Variants in TMEM132B observed in about 807,000 individuals in gnomAD.
The protein encoded by TMEM132B is transmembrane protein 132B.
TMEM132B carries 18 observed loss-of-function variants against 90.8 expected under a neutral mutation model. The observed-to-expected ratio is 0.20, with a 90% CI of 0.14 to 0.29. The LOEUF (loss-of-function observed/expected upper bound fraction) is 0.29. TMEM132B is among the 10% of genes least tolerant of loss of function. The pLI is 1.00. For missense variants in TMEM132B, 1,096 were observed against 1,326.8 expected (o/e 0.83, Z 2.70); for synonymous variants, 504 against 523.3 (o/e 0.96, Z 0.50).
In TMEM132B at chr12:125,366,336, C is replaced by T. The variant is rs184569991; in HGVS notation, c.959+15993C>T. ...CTACTGTGAATAGTGCTGCAGTAAA[C>T]GCAGGAGTGCAGATATCTCTTTGAT... On this transcript the variant is annotated intron_variant, in intron 2 of 8. Transcript: ENST00000682704. Among the ~76,000 whole-genome samples, 22 of 152,204 alleles carry T rather than the reference C, an allele frequency of 1.4e-4. No homozygotes were observed. In the East Asian group the frequency reaches 1.7e-3, roughly 12 times the overall value.
At chr12:125,401,438 A>G (rs1447355950) in intron 2 of TMEM132B, among the ~76,000 whole-genome samples, 1 of 152,190 alleles carries the variant, frequency 6.6e-6, no homozygotes, top group African/African-American at 2.4e-5. Context: ...GTTGAGGATA[A>G]GAGGGATTTG....
At chr12:125,388,685 C>T (rs1166405301) in intron 2 of TMEM132B, among the ~76,000 whole-genome samples, 1 of 152,152 alleles carries the variant, frequency 6.6e-6, no homozygotes, top group African/African-American at 2.4e-5. Flanking sequence ...GCTGCCTCAA[C>T]ATCTTTTCCA....
intron 1 of TMEM132B, among the ~76,000 whole-genome samples, chr12:125,242,660 A>C (rs768553317): frequency 6.6e-6 from 1 of 152,152 alleles, no homozygotes; most frequent in Non-Finnish European, 1.5e-5. Flanking sequence ...TTGTCCCTCT[A>C]GGGTGTCTGA....
chr12:125,366,800 C>G (rs1412602227), intron 2 of TMEM132B, among the ~76,000 whole-genome samples: 2 of 152,184 alleles, frequency 1.3e-5, no homozygotes, highest in Admixed American at 6.5e-5. Flanking sequence ...GTCAATTACA[C>G]ATATACTAGA....
chr12:125,261,403 G>A (rs1874565012), intron 1 of TMEM132B, among the ~76,000 whole-genome samples: 1 of 152,154 alleles, frequency 6.6e-6, no homozygotes, highest in African/African-American at 2.4e-5. Flanking sequence ...GTACCAGGTG[G>A]TCTTCGTTGC....
intron 4 of TMEM132B, among the ~76,000 whole-genome samples, chr12:125,539,879 T>A (rs766074286): frequency 2.0e-5 from 3 of 152,212 alleles, no homozygotes; most frequent in African/African-American, 7.2e-5. Flanking sequence ...TTTCTTTTTG[T>A]CTGCTTACTT....
intron 2 of TMEM132B, among the ~76,000 whole-genome samples, chr12:125,409,220 C>A (rs889576906): frequency 6.6e-6 from 1 of 152,172 alleles, no homozygotes; most frequent in Non-Finnish European, 1.5e-5. Flanking sequence ...GCCTGCTGAG[C>A]CAGCCACAAG....
intron 3 of TMEM132B, among the ~76,000 whole-genome samples, chr12:125,485,518 G>A (rs1485212708): frequency 6.6e-6 from 1 of 152,088 alleles, no homozygotes; most frequent in African/African-American, 2.4e-5. Context: ...CTTAGTGCCG[G>A]AACTAGGTCT....
At chr12:125,346,215 T>A (rs1028086391) in intron 1 of TMEM132B, among the ~76,000 whole-genome samples, 2 of 152,236 alleles carry the variant, frequency 1.3e-5, no homozygotes, top group Admixed American at 1.3e-4. Flanking sequence ...TTACATTTCT[T>A]GTAAATCAAT....
At chr12:125,260,512 C>CTT (rs58139864) in intron 1 of TMEM132B, among the ~76,000 whole-genome samples, 2 of 137,254 alleles carry the variant, frequency 1.5e-5, no homozygotes, top group Non-Finnish European at 1.6e-5. Context: ...TAAGGTTTAC[C>CTT]TTTTTTTTTT....
intron 4 of TMEM132B, among the ~76,000 whole-genome samples, chr12:125,576,793 C>G (rs1213667815): frequency 6.6e-6 from 1 of 151,782 alleles, no homozygotes; most frequent in African/African-American, 2.4e-5. Context: ...TATGTTGAAC[C>G]AATCCTGCAT....
intron 3 of TMEM132B, among the ~76,000 whole-genome samples, chr12:125,461,436 G>A (rs563133979): frequency 3.3e-5 from 5 of 152,324 alleles, no homozygotes; most frequent in East Asian, 3.9e-4. Context: ...TGGAGGGCTG[G>A]TACTGGCCCC....
intron 1 of TMEM132B, among the ~76,000 whole-genome samples, chr12:125,307,496 G>A (rs527502210): frequency 5.3e-5 from 8 of 152,026 alleles, no homozygotes; most frequent in Non-Finnish European, 1.0e-4. Context: ...TTGTTGGATT[G>A]AATGAATGAA....
chr12:125,211,449 T>C (rs1231008595), intron 1 of TMEM132B, among the ~76,000 whole-genome samples: 1 of 152,180 alleles, frequency 6.6e-6, no homozygotes, highest in Non-Finnish European at 1.5e-5. Flanking sequence ...GTGGGCTTCC[T>C]GGGGCACAGC....
intron 1 of TMEM132B, among the ~76,000 whole-genome samples, chr12:125,235,955 C>A (rs973452213): frequency 2.0e-5 from 3 of 151,822 alleles, no homozygotes; most frequent in Non-Finnish European, 1.5e-5. Context: ...AGGCGTCCAC[C>A]ACCATGCCCG....
intron 4 of TMEM132B, among the ~76,000 whole-genome samples, chr12:125,553,984 C>G (rs1884305436): frequency 6.6e-6 from 1 of 152,040 alleles, no homozygotes; most frequent in African/African-American, 2.4e-5. Flanking sequence ...AAAGTCCTGT[C>G]AGAACATTAC....
At position 125,295,515 on chromosome 12, in the gene TMEM132B, T is replaced by TGTGAGAGA. The variant is rs531489519; in HGVS notation, c.68-53936_68-53935insTGAGAGAG. On this transcript the variant is annotated intron_variant, in intron 1 of 8. Transcript: ENST00000682704. Reference sequence around the variant, plus strand: ...TCCATGAAACCTGTGTGTGTGTGTGTGAGAGAGAGAGAGAGAGAGAGAGAG... The same window carrying TGTGAGAGA: ...TCCATGAAACCTGTGTGTGTGTGTGTGTGAGAGAGAGAGAGAGAGAGAGAGAGAGAGAG... 5.7e-3 allele frequency among the ~76,000 whole-genome samples: 805 copies of TGTGAGAGA among 142,398 alleles called. 3 individuals carry two copies. Among genetic ancestry groups the TGTGAGAGA allele is most frequent in the Non-Finnish European group, 7.3e-3 (482 of 65,590 alleles). The allele number at this position is 142,398 out of a possible 152,430, so 93.4% of individuals were successfully genotyped here.
chr12:125,407,759 T>C lies in TMEM132B; in HGVS notation c.960-7772T>C, dbSNP rs1593127478. Reference sequence around the variant, plus strand: ...GAGGTCTGGGGGAGAAACGCCTCTGTGTGTCTGGGGTGGTGACATTTGGGT... The same window carrying C: ...GAGGTCTGGGGGAGAAACGCCTCTGCGTGTCTGGGGTGGTGACATTTGGGT... On this transcript the variant is annotated intron_variant, in intron 2 of 8. Transcript: ENST00000682704. The surrounding 1 kb of genome is among the most constrained non-coding windows in gnomAD (Gnocchi z 6.7). 6.6e-6 allele frequency among the ~76,000 whole-genome samples: 1 copy of C among 152,134 alleles called. No individual in the cohort carries two copies. The highest frequency in any genetic ancestry group is 2.4e-5 in the African/African-American group (1 of 41,416).
chr12:125,655,671 C>T lies in TMEM132B; in HGVS notation c.*961C>T, dbSNP rs534740773. The T allele has an allele frequency of 6.6e-6, 1 of 152,314 alleles. No homozygotes were observed. Among genetic ancestry groups the T allele is most frequent in the African/African-American group, 2.4e-5 (1 of 41,574 alleles). The allele number at this position is 152,314 out of a possible 1,614,324, so 9.4% of individuals were successfully genotyped here. ...CAACATAGCTGTATTTATACAAGTG[C>T]TTTGTGGCCAACACAATTTACTATC... is the stretch of plus-strand genomic sequence containing the variant. On this transcript the variant is annotated 3_prime_UTR_variant, in exon 9 of 9. Transcript: ENST00000682704.
Sources: allele counts gnomAD v4.1 joint callset (sites outside exome capture counted in the v4.1 genomes callset), GRCh38; gene constraint gnomAD v4.1.1; non-coding constraint Gnocchi (gnomAD v3.1); transcripts MANE v1.5; gene names NCBI Gene and HGNC (gene_info 2026-07-23, HGNC 2026-07-21).